Variants in RBMS3 observed in about 807,000 individuals in gnomAD.
RBMS3 encodes the protein RNA binding motif single stranded interacting protein 3, also known as RNA-binding motif, single-stranded-interacting protein 3.
RBMS3 carries 27 observed loss-of-function variants against 66.8 expected under a neutral mutation model. That is an observed-to-expected ratio of 0.40 (90% CI 0.30 to 0.56). RBMS3 has a LOEUF of 0.56. Among genes scored for constraint, RBMS3 ranks in the 20% least tolerant of loss-of-function variants. The pLI, the probability that RBMS3 is intolerant of heterozygous loss-of-function variation, is 0.40. For synonymous variants in RBMS3, 188 were observed against 183.0 expected (o/e 1.03, Z -0.22); for missense variants, 513 against 549.5 (o/e 0.93, Z 0.66).
chr3:29,907,721 A>G (rs1442722429), intron 10 of RBMS3, among the ~76,000 whole-genome samples: 2 of 152,108 alleles, frequency 1.3e-5, no homozygotes, highest in Non-Finnish European at 2.9e-5. Flanking sequence ...TATTCAATTA[A>G]CAAAGGCTTT....
At chr3:29,967,046 G>A (rs1402106921) in intron 12 of RBMS3, among the ~76,000 whole-genome samples, 1 of 152,190 alleles carries the variant, frequency 6.6e-6, no homozygotes, top group African/African-American at 2.4e-5. Context: ...AAACCCACTT[G>A]ATCATGGTGG....
intron 10 of RBMS3, among the ~76,000 whole-genome samples, chr3:29,914,825 G>A (rs1268511022): frequency 2.3e-4 from 35 of 151,832 alleles, no homozygotes; most frequent in Non-Finnish European, 5.2e-4. Context: ...AAATTGTCCT[G>A]TGTATCCATG....
At chr3:29,309,002 C>A (rs2034205747) in intron 1 of RBMS3, among the ~76,000 whole-genome samples, 1 of 151,512 alleles carries the variant, frequency 6.6e-6, no homozygotes, top group East Asian at 2.0e-4. Context: ...AACTTGGAGA[C>A]AAGTCAGAAT....
rs796445754 is a variant in RBMS3, at chr3:29,927,008, A to C, written c.940-9078A>C. ...ACACATTGGCTGTAATATGTACAGA[A>C]CATCTTGCAGCATTTAACTGAGCAT... is the stretch of plus-strand genomic sequence containing the variant. On this transcript the variant is annotated intron_variant, in intron 10 of 14. Coordinates refer to ENST00000383767, the MANE Select transcript of RBMS3 (RefSeq NM_001003793.3). The C allele has an allele frequency of 5.9e-5, 9 of 152,352 alleles. No individual in the cohort carries two copies. The South Asian group carries it at 1.9e-3, about 32-fold the overall frequency. 9.4% of individuals were successfully genotyped at this position (152,352 alleles called of 1,614,324 possible).
chr3:29,727,295 C>T (rs2053925926), intron 4 of RBMS3, among the ~76,000 whole-genome samples: 2 of 152,150 alleles, frequency 1.3e-5, no homozygotes, highest in South Asian at 2.1e-4. Flanking sequence ...CCATTCAGGA[C>T]ATAGGCATGG....
At chr3:29,555,342 C>G (rs1448256553) in intron 3 of RBMS3, among the ~76,000 whole-genome samples, 2 of 152,160 alleles carry the variant, frequency 1.3e-5, no homozygotes, top group Admixed American at 1.3e-4. Flanking sequence ...TATACAGACC[C>G]TCTAAATGAT....
chr3:29,364,719 G>A (rs1247084422), intron 1 of RBMS3, among the ~76,000 whole-genome samples: 3 of 152,128 alleles, frequency 2.0e-5, no homozygotes, highest in Non-Finnish European at 4.4e-5. Context: ...TGTGTCTCCT[G>A]GTGAGAGTCT....
chr3:29,543,174 A>G (rs2045828812), intron 3 of RBMS3, among the ~76,000 whole-genome samples: 1 of 152,180 alleles, frequency 6.6e-6, no homozygotes, highest in Non-Finnish European at 1.5e-5. Context: ...AGAGGTGAGT[A>G]TTAATATCCA....
intron 1 of RBMS3, among the ~76,000 whole-genome samples, chr3:29,301,146 A>G (rs925157758): frequency 9.2e-5 from 14 of 152,040 alleles, no homozygotes; most frequent in Non-Finnish European, 1.8e-4. Flanking sequence ...AGCATGATCT[A>G]AATCCAATGC....
At chr3:29,944,570 A>C in intron 12 of RBMS3, among the ~76,000 whole-genome samples, 1 of 151,736 alleles carries the variant, frequency 6.6e-6, no homozygotes, top group East Asian at 1.9e-4. Flanking sequence ...CACAGTCATC[A>C]AATTCCTGAA....
intron 4 of RBMS3, among the ~76,000 whole-genome samples, chr3:29,713,664 T>G (rs1262448870): frequency 1.3e-5 from 2 of 152,210 alleles, no homozygotes; most frequent in Admixed American, 6.5e-5. Flanking sequence ...TGTTTTATAC[T>G]TTAATGCATT....
chr3:29,504,503 G>A (rs1236963342), intron 3 of RBMS3, among the ~76,000 whole-genome samples: 1 of 151,898 alleles, frequency 6.6e-6, no homozygotes, highest in Non-Finnish European at 1.5e-5. Context: ...AAAAGGTTCT[G>A]AAGGTAGATT....
chr3:29,332,499 A>G (rs538539823), intron 1 of RBMS3, among the ~76,000 whole-genome samples: 1 of 152,194 alleles, frequency 6.6e-6, no homozygotes, highest in Non-Finnish European at 1.5e-5. Context: ...TGACCTGAAT[A>G]TAATGTGGAA....
chr3:29,287,066 G>T (rs2032408535), intron 1 of RBMS3, among the ~76,000 whole-genome samples: 1 of 152,100 alleles, frequency 6.6e-6, no homozygotes, highest in African/African-American at 2.4e-5. Context: ...ACTGAAGGGA[G>T]ACCAAAAGCG....
At chr3:29,376,904 A>T (rs2038501894) in intron 1 of RBMS3, among the ~76,000 whole-genome samples, 1 of 151,838 alleles carries the variant, frequency 6.6e-6, no homozygotes, top group African/African-American at 2.4e-5. Flanking sequence ...ACTACGTCTC[A>T]AACAACAACA....
chr3:29,504,120 G>A (rs1291420986), intron 3 of RBMS3, among the ~76,000 whole-genome samples: 1 of 147,324 alleles, frequency 6.8e-6, no homozygotes, highest in East Asian at 2.0e-4. Context: ...ATACAAACTT[G>A]GTCTCTAAGT....
chr3:29,876,157 A>G (rs963274514), intron 7 of RBMS3, among the ~76,000 whole-genome samples: 2 of 152,170 alleles, frequency 1.3e-5, no homozygotes, highest in African/African-American at 4.8e-5. Flanking sequence ...CAGTAATTTC[A>G]TGAAGAAGGG....
At chr3:29,759,889 G>A (rs1391262834) in intron 5 of RBMS3, among the ~76,000 whole-genome samples, 1 of 152,046 alleles carries the variant, frequency 6.6e-6, no homozygotes, top group Non-Finnish European at 1.5e-5. Context: ...ACTGCTGGGT[G>A]GTGCAGCGTA....
chr3:29,659,119 T>G (rs1333795262), intron 4 of RBMS3, among the ~76,000 whole-genome samples: 3 of 152,200 alleles, frequency 2.0e-5, no homozygotes. Context: ...GCCCAGCCTT[T>G]ATTCACTGTT....
Sources: gnomAD v4.1 joint callset for allele counts (sites outside exome capture counted in the v4.1 genomes callset) on GRCh38, gnomAD v4.1.1 for gene constraint, MANE v1.5 for transcripts, NCBI Gene and HGNC (gene_info 2026-07-23, HGNC 2026-07-21) for gene names.